Variants in SPOP observed in about 807,000 individuals in gnomAD.
The protein encoded by SPOP is speckle-type POZ protein.
Under a neutral mutation model 45.6 loss-of-function variants are expected in SPOP, and 11 were observed. The observed-to-expected ratio is 0.24, with a 90% CI of 0.15 to 0.40. SPOP has a LOEUF of 0.40. SPOP is among the 10% of genes least tolerant of loss of function. SPOP has a pLI of 1.00. For synonymous variants in SPOP, 166 were observed against 166.3 expected (o/e 1.00, Z 0.01); for missense variants, 152 against 465.6 (o/e 0.33, Z 6.20).
At chr17:49,605,293 G>T (rs1042811468) in intron 8 of SPOP, among the ~76,000 whole-genome samples, 1 of 152,162 alleles carries the variant, frequency 6.6e-6, no homozygotes, top group Non-Finnish European at 1.5e-5. Context: ...TGCTAACCAG[G>T]ACACTAGGTA....
intron 1 of SPOP, among the ~76,000 whole-genome samples, chr17:49,640,589 C>T (rs2072628737): frequency 6.6e-6 from 1 of 152,112 alleles, no homozygotes; most frequent in South Asian, 2.1e-4. Context: ...GAGACAAAAT[C>T]TTCTGAAAAA....
intron 1 of SPOP, among the ~76,000 whole-genome samples, chr17:49,632,762 G>A (rs577709957): frequency 1.1e-3 from 172 of 152,140 alleles, no homozygotes; most frequent in African/African-American, 3.6e-3. Context: ...GAGCCACTAC[G>A]CCTTGCCTCA....
rs992578676 is a variant in SPOP at position 49,612,460 on chromosome 17, T to C, written c.481-1003A>G. Among the ~76,000 whole-genome samples the C allele has an allele frequency of 7.2e-5, 11 of 152,272 alleles. No homozygotes were observed. In the East Asian group the frequency reaches 1.9e-3, roughly 27 times the overall value. ...CTGTAGCTACACATGCACTTATAGC[T>C]TTGGAAGATAATGATGACAATAGGT... On this transcript the variant is annotated intron_variant, in intron 5 of 9. Transcript: ENST00000504102.
rs538137625 is a variant in SPOP, at chr17:49,615,467, A to T, written c.480+3514T>A. Among the ~76,000 whole-genome samples the T allele has an allele frequency of 1.5e-3, 221 of 152,266 alleles. 2 individuals are homozygous for T. Among genetic ancestry groups the T allele is most frequent in the African/African-American group, 5.1e-3 (211 of 41,542 alleles). ...TTATTAAAGAGAAAATTTAAAATGGAATTTAAACATGCCTTCATGTCTCTA... is the reference window on the plus strand; with the variant it reads ...TTATTAAAGAGAAAATTTAAAATGGTATTTAAACATGCCTTCATGTCTCTA... On this transcript the variant is annotated intron_variant, in intron 5 of 9. Coordinates refer to ENST00000504102, the MANE Select transcript of SPOP (RefSeq NM_001007228.2).
At chr17:49,633,196 T>G (rs976750792) in intron 1 of SPOP, among the ~76,000 whole-genome samples, 1 of 152,190 alleles carries the variant, frequency 6.6e-6, no homozygotes, top group African/African-American at 2.4e-5. Context: ...AGATATGCAC[T>G]TGTACATAAA....
At chr17:49,645,980 A>G (rs2072751538) in intron 1 of SPOP, 1 of 151,698 alleles carries the variant, frequency 6.6e-6, no homozygotes, top group Admixed American at 6.6e-5. Context: ...AGATGCTCCC[A>G]CTCCACAGCC....
At chr17:49,666,448 GACACACACACACACACACACACAC>G (rs36210011) in intron 1 of SPOP, among the ~76,000 whole-genome samples, 3 of 142,122 alleles carry the variant, frequency 2.1e-5, no homozygotes, top group African/African-American at 5.2e-5. Context: ...CATGAAGACA[GACACACACACACACACACACACAC>G]ACACACACAC....
Position 49,607,544 on chromosome 17 carries a change from A to C in SPOP, c.715-172T>G, listed in dbSNP as rs75974430. Among the ~76,000 whole-genome samples, 43 of 152,308 alleles carry C rather than the reference A, an allele frequency of 2.8e-4. No individual in the cohort carries two copies. The East Asian group carries it at 8.1e-3, about 29-fold the overall frequency. ...GATTATAATAGCCTTTTCGTCCATC[A>C]CATGTTCCATCTTTGTTTTCTTAAA... On this transcript the variant is annotated intron_variant, in intron 7 of 9. Coordinates refer to ENST00000504102, the MANE Select transcript of SPOP (RefSeq NM_001007228.2).
chr17:49,643,302 G>A (rs1162601014), intron 1 of SPOP, among the ~76,000 whole-genome samples: 1 of 151,970 alleles, frequency 6.6e-6, no homozygotes, highest in Non-Finnish European at 1.5e-5. Flanking sequence ...AGGTTTAAAG[G>A]GTGAAAAAAC....
At chr17:49,602,083 G>T in intron 8 of SPOP, 76 bp from the exon 9 acceptor site, 1 of 1,540,118 alleles carries the variant, frequency 6.5e-7, no homozygotes. Context: ...GTTTTCTTTA[G>T]CTGTACCATC....
At chr17:49,645,610 A>G (rs1022900888) in intron 1 of SPOP, among the ~76,000 whole-genome samples, 6 of 152,076 alleles carry the variant, frequency 3.9e-5, no homozygotes, top group African/African-American at 1.4e-4. Context: ...GCACATCTTA[A>G]ATAAAAATAA....
chr17:49,607,742 AAGG>A (rs2071881982), intron 7 of SPOP, 129 bp downstream of exon 7: 2 of 815,458 alleles, frequency 2.5e-6, no homozygotes, highest in Non-Finnish European at 4.0e-6. Flanking sequence ...CTGCTCTCAG[AAGG>A]AGTTTAGGGA....
intron 1 of SPOP, among the ~76,000 whole-genome samples, chr17:49,648,157 A>C (rs1004591205): frequency 6.6e-6 from 1 of 152,190 alleles, no homozygotes; most frequent in African/African-American, 2.4e-5. Context: ...TTCTCACCTG[A>C]ATAGTTACTG....
At chr17:49,630,281 A>G (rs1158956398) in intron 1 of SPOP, among the ~76,000 whole-genome samples, 1 of 152,228 alleles carries the variant, frequency 6.6e-6, no homozygotes, top group African/African-American at 2.4e-5. Context: ...TTTCTGTTAC[A>G]GTGTGCTCAA....
intron 1 of SPOP, among the ~76,000 whole-genome samples, chr17:49,664,529 TTATA>T (rs1327330675): frequency 6.6e-6 from 1 of 152,184 alleles, no homozygotes; most frequent in Non-Finnish European, 1.5e-5. Flanking sequence ...AAATATCAAT[TTATA>T]TAACCCACAT....
At chr17:49,603,800 C>G (rs1359248633) in intron 8 of SPOP, among the ~76,000 whole-genome samples, 3 of 152,236 alleles carry the variant, frequency 2.0e-5, no homozygotes, top group East Asian at 3.8e-4. Flanking sequence ...ACTTCTCATT[C>G]ATAAATTTAA....
Position 49,600,001 on chromosome 17 carries a change from CT to C in SPOP, c.*376del, listed in dbSNP as rs1345942108. 4.2e-6 allele frequency: 1 copy of C among 238,552 alleles called. No individual in the cohort carries two copies. The highest frequency in any genetic ancestry group is 2.2e-5 in the African/African-American group (1 of 45,312). 14.8% of individuals were successfully genotyped at this position (238,552 alleles called of 1,614,324 possible). On this transcript the variant is annotated 3_prime_UTR_variant, in exon 10 of 10. Coordinates refer to ENST00000504102, the MANE Select transcript of SPOP (RefSeq NM_001007228.2). This position sits in a 1 kb window ranked among gnomAD's most constrained non-coding sequence, Gnocchi z 4.2. ...TTCCCTTCTGTTAAAACTCAATGTC[CT>C]TTCTTTTTTTTTTTTCCTTTTTGCT...
intron 1 of SPOP, among the ~76,000 whole-genome samples, chr17:49,677,693 G>C (rs537045710): frequency 6.6e-5 from 10 of 152,306 alleles, no homozygotes; most frequent in Admixed American, 3.3e-4. Flanking sequence ...ATGATGGGGG[G>C]GCTGAAGGCA....
chr17:49,661,160 AG>A (rs1236923167), intron 1 of SPOP, among the ~76,000 whole-genome samples: 1 of 152,200 alleles, frequency 6.6e-6, no homozygotes, highest in Non-Finnish European at 1.5e-5. Context: ...TTAATAAATC[AG>A]TAACAAAATT....
Sources: allele counts gnomAD v4.1 joint callset (sites outside exome capture counted in the v4.1 genomes callset), GRCh38; gene constraint gnomAD v4.1.1; non-coding constraint Gnocchi (gnomAD v3.1); transcripts MANE v1.5; gene names NCBI Gene and HGNC (gene_info 2026-07-23, HGNC 2026-07-21).